CSMD1: variants seen among roughly 807,000 people sequenced by gnomAD.
The protein encoded by CSMD1 is CUB and sushi domain-containing protein 1.
Under a neutral mutation model 417.5 loss-of-function variants are expected in CSMD1, and 213 were observed. That is an observed-to-expected ratio of 0.51 (90% CI 0.46 to 0.57). The LOEUF (loss-of-function observed/expected upper bound fraction) is 0.57, where lower values mean the gene tolerates loss of function less well. CSMD1 is among the 20% of genes least tolerant of loss of function. The probability of loss-of-function intolerance (pLI) is 0.00; values close to 1 mark genes in which losing one functional copy is unlikely to be tolerated. For synonymous variants in CSMD1, 2,862 were observed against 1,736.8 expected (o/e 1.65, Z -16.11); for missense variants, 6,923 against 4,529.7 (o/e 1.53, Z -15.17).
chr8:3,929,937 C>T (rs1024808319), intron 5 of CSMD1, among the ~76,000 whole-genome samples: 1 of 150,332 alleles, frequency 6.7e-6, no homozygotes, highest in Non-Finnish European at 1.5e-5. Flanking sequence ...GCTGGGATTA[C>T]AGGCCTCATG....
At chr8:3,579,930 C>G (rs1014941834) in intron 9 of CSMD1, among the ~76,000 whole-genome samples, 34 of 152,068 alleles carry the variant, frequency 2.2e-4, no homozygotes, top group African/African-American at 8.0e-4. Context: ...ATGGTGAAAC[C>G]CTGTCTCTAC....
At chr8:4,682,203 T>A (rs967046677) in intron 1 of CSMD1, among the ~76,000 whole-genome samples, 2 of 152,044 alleles carry the variant, frequency 1.3e-5, no homozygotes. Flanking sequence ...AATTTTTGAA[T>A]TGTTTTTGTA....
intron 7 of CSMD1, among the ~76,000 whole-genome samples, chr8:3,640,907 G>C (rs926285068): frequency 6.6e-6 from 1 of 151,648 alleles, no homozygotes; most frequent in Non-Finnish European, 1.5e-5. Context: ...ATTAATCATG[G>C]TTTGCCAGCT....
chr8:3,493,422 C>T (rs921952408), intron 11 of CSMD1, among the ~76,000 whole-genome samples: 2 of 151,858 alleles, frequency 1.3e-5, no homozygotes, highest in African/African-American at 2.4e-5. Flanking sequence ...GAAAAACAGT[C>T]GAAACAGATA....
At chr8:3,391,076 G>T (rs546455764) in intron 17 of CSMD1, among the ~76,000 whole-genome samples, 1 of 151,984 alleles carries the variant, frequency 6.6e-6, no homozygotes, top group Non-Finnish European at 1.5e-5. Flanking sequence ...AGCATGCATG[G>T]GCATGTTATA....
At chr8:4,635,223 T>C (rs1802752253) in intron 2 of CSMD1, among the ~76,000 whole-genome samples, 1 of 152,202 alleles carries the variant, frequency 6.6e-6, no homozygotes. Flanking sequence ...CATTCTGTTG[T>C]ACATACAACT....
At chr8:3,846,902 T>C (rs556579990) in intron 5 of CSMD1, among the ~76,000 whole-genome samples, 104 of 152,342 alleles carry the variant, frequency 6.8e-4, no homozygotes, top group African/African-American at 2.1e-3. Context: ...CTCAAACTCC[T>C]GACCTTAGGT....
At chr8:4,061,610 C>T (rs1798976763) in intron 3 of CSMD1, among the ~76,000 whole-genome samples, 1 of 152,148 alleles carries the variant, frequency 6.6e-6, no homozygotes, top group South Asian at 2.1e-4. Flanking sequence ...GACACTAGGA[C>T]CTGTTTACCA....
At chr8:3,892,715 G>GTT (rs35178951) in intron 5 of CSMD1, among the ~76,000 whole-genome samples, 1,157 of 107,026 alleles carry the variant, frequency 0.011, 10 homozygotes, top group African/African-American at 0.019. Flanking sequence ...ATTTAGGCAG[G>GTT]TTTTTTTTTT....
intron 3 of CSMD1, among the ~76,000 whole-genome samples, chr8:4,163,799 A>G (rs1438097421): frequency 6.6e-6 from 1 of 152,220 alleles, no homozygotes; most frequent in Non-Finnish European, 1.5e-5. Flanking sequence ...CAGTGTCATT[A>G]CATTTTAATT....
At chr8:4,284,748 T>C (rs1016210542) in intron 3 of CSMD1, among the ~76,000 whole-genome samples, 2 of 152,160 alleles carry the variant, frequency 1.3e-5, no homozygotes, top group Non-Finnish European at 2.9e-5. Flanking sequence ...TGTCAGATGA[T>C]AGCCTTCTTC....
At chr8:4,687,268 A>G (rs957411095) in intron 1 of CSMD1, among the ~76,000 whole-genome samples, 4 of 152,238 alleles carry the variant, frequency 2.6e-5, no homozygotes, top group African/African-American at 9.6e-5. Flanking sequence ...TATCAGATGA[A>G]GGAGGACAAG....
intron 55 of CSMD1, among the ~76,000 whole-genome samples, chr8:2,977,932 C>A (rs1378581320): frequency 3.3e-5 from 5 of 152,164 alleles, no homozygotes; most frequent in African/African-American, 1.2e-4. Context: ...ACAACAGATG[C>A]TGGCGAGGCT....
intron 7 of CSMD1, among the ~76,000 whole-genome samples, chr8:3,662,878 A>G (rs1284310174): frequency 1.3e-5 from 2 of 152,130 alleles, no homozygotes; most frequent in African/African-American, 4.8e-5. Context: ...TAGGACAAAT[A>G]TGTAATGCAT....
intron 3 of CSMD1, among the ~76,000 whole-genome samples, chr8:4,365,694 C>T (rs1454560014): frequency 6.6e-6 from 1 of 152,302 alleles, no homozygotes; most frequent in African/African-American, 2.4e-5. Flanking sequence ...AGCCTCTGAT[C>T]CAGCCTGAGA....
intron 3 of CSMD1, among the ~76,000 whole-genome samples, chr8:4,165,430 G>A (rs529667971): frequency 5.9e-5 from 9 of 152,194 alleles, no homozygotes; most frequent in East Asian, 1.9e-4. Context: ...TGTTTGAGGT[G>A]GTGTCATGCT....
chr8:3,659,176 C>G (rs190520816), intron 7 of CSMD1, among the ~76,000 whole-genome samples: 1 of 152,090 alleles, frequency 6.6e-6, no homozygotes, highest in Non-Finnish European at 1.5e-5. Context: ...ATCATTTCTA[C>G]GAAGCAAAAT....
intron 3 of CSMD1, among the ~76,000 whole-genome samples, chr8:4,390,497 T>TTTATTTAATTTA (rs1554457298): frequency 7.1e-6 from 1 of 140,324 alleles, no homozygotes; most frequent in African/African-American, 2.7e-5. Context: ...AAGCGTCCAT[T>TTTATTTAATTTA]TTTATTTATT....
At chr8:4,886,826 T>C (rs891200999) in intron 1 of CSMD1, among the ~76,000 whole-genome samples, 5 of 152,100 alleles carry the variant, frequency 3.3e-5, no homozygotes, top group South Asian at 2.1e-4. Flanking sequence ...AATTGTTAAA[T>C]GATCTCTTCT....
Sources: gnomAD v4.1 joint callset for allele counts (sites outside exome capture counted in the v4.1 genomes callset) on GRCh38, gnomAD v4.1.1 for gene constraint, MANE v1.5 for transcripts, NCBI Gene and HGNC (gene_info 2026-07-23, HGNC 2026-07-21) for gene names.